NT5M: variants seen among roughly 807,000 people sequenced by gnomAD.
NT5M encodes the protein 5',3'-nucleotidase, mitochondrial.
Under a neutral mutation model 22.2 loss-of-function variants are expected in NT5M, and 22 were observed. That is an observed-to-expected ratio of 0.99 (90% confidence interval 0.71 to 1.41). The LOEUF (loss-of-function observed/expected upper bound fraction) is 1.41. NT5M is among the 40% of genes most tolerant of loss of function. The pLI is 0.00. For synonymous variants in NT5M, 167 were observed against 133.0 expected (o/e 1.26, Z -1.76); for missense variants, 322 against 314.8 (o/e 1.02, Z -0.17).
At chr17:17,321,813 C>T (rs1391208756) in intron 2 of NT5M, among the ~76,000 whole-genome samples, 9 of 151,722 alleles carry the variant, frequency 5.9e-5, no homozygotes, top group South Asian at 2.1e-4. Flanking sequence ...GAAGGCAGGC[C>T]GCTAAGCTGG....
rs142033729 is a variant in NT5M at position 17,306,639 on chromosome 17, C to T, written c.364C>T (p.Gln122Ter). The stretch of plus-strand genomic sequence containing the variant: ...AGCTGTCAAGGAGATGGCCAGCCTA[C>T]AAAAGTAAGTTTGTCCTCCCAGCCA... The part of the protein sequence containing the change: ...VEAVKEMASL[Q>*]NTDVFICTSP... The change falls in exon 2 of 5, where the codon CAA becomes TAA. Residue 122 changes from glutamine (Q) to a stop codon, truncating the protein, a stop_gained. Transcript: ENST00000389022. LOFTEE classifies it high-confidence loss of function. 1.2e-6 allele frequency: 2 copies of T among 1,611,876 alleles called. No individual in the cohort carries two copies. The highest frequency in any genetic ancestry group is 1.3e-5 in the African/African-American group (1 of 74,886).
chr17:17,331,679 C>CT (rs1312802567), intron 3 of NT5M, among the ~76,000 whole-genome samples: 4 of 151,576 alleles, frequency 2.6e-5, no homozygotes, highest in African/African-American at 7.3e-5. Flanking sequence ...ACTGCAGCCT[C>CT]TAACTCCCAG....
At chr17:17,305,224 G>T (rs895863482) in intron 1 of NT5M, among the ~76,000 whole-genome samples, 1 of 152,090 alleles carries the variant, frequency 6.6e-6, no homozygotes, top group African/African-American at 2.4e-5. Flanking sequence ...GGCTCTGTAC[G>T]TGTGGGGTTA....
intron 3 of NT5M, among the ~76,000 whole-genome samples, chr17:17,334,142 A>G (rs1285801611): frequency 6.6e-6 from 1 of 151,538 alleles, no homozygotes; most frequent in Non-Finnish European, 1.5e-5. Flanking sequence ...ATGTTTTTGT[A>G]TTTTAGTAGA....
chr17:17,336,538 C>CATTCTTTT (rs1292178496), intron 3 of NT5M, among the ~76,000 whole-genome samples: 1 of 150,434 alleles, frequency 6.6e-6, no homozygotes, highest in Admixed American at 6.7e-5. Flanking sequence ...GACAGGCTCT[C>CATTCTTTT]ATTCTTTTTT....
At chr17:17,336,487 T>C (rs550892549) in intron 3 of NT5M, among the ~76,000 whole-genome samples, 21 of 152,246 alleles carry the variant, frequency 1.4e-4, no homozygotes, top group African/African-American at 4.8e-4. Context: ...CTTATATCAC[T>C]TAACATAATG....
chr17:17,324,329 C>G (rs1010168085), intron 3 of NT5M, among the ~76,000 whole-genome samples: 5 of 151,280 alleles, frequency 3.3e-5, no homozygotes, highest in African/African-American at 1.2e-4. Flanking sequence ...ATTAAAAATA[C>G]GAAAATCAGC....
At position 17,303,578 on chromosome 17, in the gene NT5M, C is replaced by G; in HGVS notation, c.28C>G (p.Arg10Gly). MIRLGGWCA[R>G]RLCSAAVPAG... ...GATCCGGCTGGGCGGCTGGTGTGCG[C>G]GGCGGCTCTGCAGCGCGGCGGTTCC... The change falls in exon 1 of 5, where the codon CGG becomes GGG. Residue 10 changes from arginine to glycine, a missense_variant. Coordinates refer to ENST00000389022, the MANE Select transcript of NT5M (RefSeq NM_020201.4). The G allele has an allele frequency of 9.6e-6, 11 of 1,143,006 alleles. No homozygotes were observed. Among genetic ancestry groups the G allele is most frequent in the Non-Finnish European group, 1.2e-5 (11 of 927,636 alleles). 70.8% of individuals were successfully genotyped at this position (1,143,006 alleles called of 1,614,324 possible). A position where few individuals can be genotyped will look rare whatever the true frequency, so the allele number is the denominator to read the frequency against.
At chr17:17,323,124 A>G (rs2049185862) in intron 2 of NT5M, 61 bp from the exon 3 acceptor site, 20 of 1,386,942 alleles carry the variant, frequency 1.4e-5, no homozygotes, top group Non-Finnish European at 2.1e-5. Context: ...GCAGGTGGTG[A>G]AGGCCTCGGG....
intron 2 of NT5M, among the ~76,000 whole-genome samples, chr17:17,310,104 G>A (rs1030651088): frequency 2.6e-5 from 4 of 152,062 alleles, no homozygotes; most frequent in Non-Finnish European, 4.4e-5. Context: ...GATTACAGGC[G>A]TGAGCCACCT....
At chr17:17,342,610 A>G (rs892662054) in intron 3 of NT5M, among the ~76,000 whole-genome samples, 1 of 152,040 alleles carries the variant, frequency 6.6e-6, no homozygotes, top group Admixed American at 6.6e-5. Flanking sequence ...TTCCAGCCAC[A>G]CTCCAGGGTT....
At chr17:17,322,275 G>T (rs1004311495) in intron 2 of NT5M, among the ~76,000 whole-genome samples, 1 of 152,136 alleles carries the variant, frequency 6.6e-6, no homozygotes, top group Non-Finnish European at 1.5e-5. Flanking sequence ...AGTGGAGAAG[G>T]CAGACGCTGC....
Position 17,347,254 on chromosome 17 carries a change from AG to A in NT5M, c.*312del. 2.8e-6 allele frequency: 1 copy of A among 358,774 alleles called. No individual in the cohort carries two copies. 22.2% of individuals were successfully genotyped at this position (358,774 alleles called of 1,614,324 possible). On this transcript the variant is annotated 3_prime_UTR_variant, in exon 5 of 5. Transcript: ENST00000389022. ...CAGGGAGGAGTTGAGGCCACTGTTCAGGGGGCTGGTGGCCGTCTCCACTCCC... is the reference window on the plus strand; with the variant it reads ...CAGGGAGGAGTTGAGGCCACTGTTCAGGGGCTGGTGGCCGTCTCCACTCCC...
At chr17:17,318,021 C>T (rs2049069050) in intron 2 of NT5M, among the ~76,000 whole-genome samples, 1 of 148,338 alleles carries the variant, frequency 6.7e-6, no homozygotes, top group South Asian at 2.2e-4. Context: ...AGCAATTCAA[C>T]TCATAGGTGT....
In NT5M at chr17:17,306,420, G is replaced by T. The variant is rs961662673; in HGVS notation, c.268-123G>T. ...ACCCCCAGGAAGTACGTCCTTGGGT[G>T]TGTGTTTGGGGGAGTGAGAGGAATG... On this transcript the variant is annotated intron_variant, in intron 1 of 4. Coordinates refer to ENST00000389022, the MANE Select transcript of NT5M (RefSeq NM_020201.4). 7 of 721,218 alleles carry T rather than the reference G, an allele frequency of 9.7e-6. No individual in the cohort carries two copies. The African/African-American group carries it at 1.2e-4, about 13-fold the overall frequency. 44.7% of individuals were successfully genotyped at this position (721,218 alleles called of 1,614,324 possible).
At chr17:17,337,672 G>A (rs912715332) in intron 3 of NT5M, among the ~76,000 whole-genome samples, 1 of 152,146 alleles carries the variant, frequency 6.6e-6, no homozygotes, top group African/African-American at 2.4e-5. Context: ...TTATAGGTGT[G>A]AGCCATCACA....
In NT5M at chr17:17,344,867, T is replaced by C. The variant is rs781510448; in HGVS notation, c.503T>C (p.Val168Ala). The change falls in exon 4 of 5, where the codon GTC becomes GCC. Residue 168 changes from valine (V) to alanine (A), a missense_variant. Val to Ala is a moderately conservative substitution (Grantham distance 64). Transcript: ENST00000389022. ...GTGCTGACCAGAGACAAGACCGTGG[T>C]CTCTGCTGACCTTCTCATAGACGAC... ...QIVLTRDKTV[V>A]SADLLIDDRP... The C allele has an allele frequency of 6.2e-7, 1 of 1,614,210 alleles. No individual in the cohort carries two copies. The highest frequency in any genetic ancestry group is 8.5e-7 in the Non-Finnish European group (1 of 1,180,020).
chr17:17,313,876 G>T (rs1030680106), intron 2 of NT5M, among the ~76,000 whole-genome samples: 1 of 152,086 alleles, frequency 6.6e-6, no homozygotes, highest in African/African-American at 2.4e-5. Flanking sequence ...GACGCCCAGG[G>T]GACTCTCCTG....
chr17:17,321,958 G>A (rs73302370), intron 2 of NT5M, among the ~76,000 whole-genome samples: 2,851 of 152,146 alleles, frequency 0.019, 105 homozygotes, highest in African/African-American at 0.065. Flanking sequence ...TCCAAGCTCC[G>A]GGGGTGACAC....
Sources: allele counts gnomAD v4.1 joint callset (sites outside exome capture counted in the v4.1 genomes callset), GRCh38; gene constraint gnomAD v4.1.1; transcripts MANE v1.5; gene names NCBI Gene and HGNC (gene_info 2026-07-23, HGNC 2026-07-21).